Variants in SIGLEC8 observed in about 807,000 individuals in gnomAD.
The protein encoded by SIGLEC8 is sialic acid-binding Ig-like lectin 8.
In SIGLEC8, 32 loss-of-function variants were observed where a neutral mutation model predicts 42.1. That is an observed-to-expected ratio of 0.76 (90% confidence interval 0.57 to 1.02). The LOEUF (loss-of-function observed/expected upper bound fraction) is 1.02. Ranked by LOEUF, SIGLEC8 falls within the 50% of genes least tolerant of loss-of-function variation. The probability of loss-of-function intolerance (pLI) is 0.00; values close to 1 mark genes in which losing one functional copy is unlikely to be tolerated. For missense variants in SIGLEC8, 611 were observed against 610.2 expected, an observed-to-expected ratio of 1.00 and a Z score of -0.01; for synonymous variants, 262 against 260.3, an observed-to-expected ratio of 1.01 and a Z score of -0.06.
At chr19:51,457,310 A>C in intron 2 of SIGLEC8, 79 bp from the exon 3 acceptor site, 1 of 1,517,666 alleles carries the variant, frequency 6.6e-7, no homozygotes, top group Non-Finnish European at 9.0e-7. Flanking sequence ...AGCTGCAAAT[A>C]CAGGGAAAAT....
At position 51,451,350 on chromosome 19, in the gene SIGLEC8, G is replaced by C. The variant is rs1055160289; in HGVS notation, c.*1029C>G. On this transcript the variant is annotated 3_prime_UTR_variant, in exon 7 of 7. Coordinates refer to ENST00000321424, the MANE Select transcript of SIGLEC8 (RefSeq NM_014442.3). ...CAATAAAAAAAAACGTTTTAAATTGGGGGTAAACAAAATAAGTACAGACCC... is the reference window on the plus strand; with the variant it reads ...CAATAAAAAAAAACGTTTTAAATTGCGGGTAAACAAAATAAGTACAGACCC... 2 of 152,108 alleles carry C rather than the reference G, an allele frequency of 1.3e-5. No individual in the cohort carries two copies. Among genetic ancestry groups the C allele is most frequent in the African/African-American group, 4.8e-5 (2 of 41,408 alleles). The allele number at this position is 152,108 out of a possible 1,614,324, so 9.4% of individuals were successfully genotyped here. A position where few individuals can be genotyped will look rare whatever the true frequency, so the allele number is the denominator to read the frequency against.
Position 51,458,028 on chromosome 19 carries a change from C to A in SIGLEC8, c.360G>T (p.Gly120=). The change falls in exon 1 of 7, where the codon GGG becomes GGT. Residue 120 remains glycine, a synonymous_variant. Transcript: ENST00000321424. The stretch of plus-strand genomic sequence containing the variant: ...CTCTCTCTAGCCGAAAGAAATATGA[C>A]CCCTTATCCCTCTTCCTGGCGTCTC... ...SIRDARKRDK[G]SYFFRLERGS... is the part of the protein sequence containing the mutation. 1.9e-6 allele frequency: 3 copies of A among 1,614,154 alleles called. No homozygotes were observed. The highest frequency in any genetic ancestry group is 2.7e-5 in the African/African-American group (2 of 75,042).
At position 51,457,126 on chromosome 19, in the gene SIGLEC8, C is replaced by A. The variant is rs555704175; in HGVS notation, c.781+58G>T. 2.7e-6 allele frequency: 4 copies of A among 1,454,890 alleles called. No homozygotes were observed. The South Asian group carries it at 4.5e-5, about 17-fold the overall frequency. The allele number at this position is 1,454,890 out of a possible 1,614,324, so 90.1% of individuals were successfully genotyped here. A position where few individuals can be genotyped will look rare whatever the true frequency, so the allele number is the denominator to read the frequency against. Reference sequence around the variant, plus strand: ...GATTCCAGGATGAGGAGAGACCCAGCCCCATCCTGAGCTGAAGGCCCTGCT... The same window carrying A: ...GATTCCAGGATGAGGAGAGACCCAGACCCATCCTGAGCTGAAGGCCCTGCT... On this transcript the variant is annotated intron_variant, in intron 3 of 6. Transcript: ENST00000321424.
In SIGLEC8 at chr19:51,458,322, T is replaced by C. The variant is rs138685164; in HGVS notation, c.66A>G (p.Gln22=). 28 of 1,613,958 alleles carry C rather than the reference T, an allele frequency of 1.7e-5. No individual in the cohort carries two copies. The African/African-American group carries it at 3.7e-4, about 22-fold the overall frequency. ...CTTGCAGCAAGTAACCATCCCCATATTGTCTGTCTCCCTCCATCCCCTTTG... is the reference window on the plus strand; with the variant it reads ...CTTGCAGCAAGTAACCATCCCCATACTGTCTGTCTCCCTCCATCCCCTTTG... ...WGTKGMEGDR[Q]YGDGYLLQVQ... is the part of the protein sequence containing the mutation. The change falls in exon 1 of 7, where the codon CAA becomes CAG. Residue 22 remains glutamine (Q), a synonymous_variant. Transcript: ENST00000321424.
Position 51,454,461 on chromosome 19 carries a change from G to A in SIGLEC8, c.1149-146C>T. The A allele has an allele frequency of 1.4e-6, 2 of 1,457,588 alleles. No individual in the cohort carries two copies. The highest frequency in any genetic ancestry group is 1.4e-5 in the African/African-American group (1 of 69,800). 90.3% of individuals were successfully genotyped at this position (1,457,588 alleles called of 1,614,324 possible). A position where few individuals can be genotyped will look rare whatever the true frequency, so the allele number is the denominator to read the frequency against. ...GTCCAGTTCCAGAGACCCCAACGGT[G>A]AAAACAGAGGCTCCTGCCTCATGGA... On this transcript the variant is annotated intron_variant, in intron 5 of 6. Transcript: ENST00000321424. The surrounding 1 kb of genome is among the most constrained non-coding windows in gnomAD (Gnocchi z 4.7).
intron 3 of SIGLEC8, 125 bp from the exon 4 acceptor site, chr19:51,455,812 C>G (rs1989477243): frequency 1.4e-5 from 12 of 869,254 alleles, no homozygotes; most frequent in Non-Finnish European, 2.1e-5. Context: ...ATAGCAAAGA[C>G]TTGGAACCAG....
rs555154639 is a variant in SIGLEC8 at position 51,458,154 on chromosome 19, T to C, written c.234A>G (p.Pro78=). Reference sequence around the variant, plus strand: ...CTCTGTCTGGGTTGTTTGTGGCCACTGGAGCGTCTTGGTATGGTCTGTCTC... The same window carrying C: ...CTCTGTCTGGGTTGTTTGTGGCCACCGGAGCGTCTTGGTATGGTCTGTCTC... ...RAGDRPYQDA[P]VATNNPDREV... The change falls in exon 1 of 7, where the codon CCA becomes CCG. Residue 78 remains proline (P), a synonymous_variant. Coordinates refer to ENST00000321424, the MANE Select transcript of SIGLEC8 (RefSeq NM_014442.3). The C allele has an allele frequency of 3.2e-5, 51 of 1,614,142 alleles. No homozygotes were observed. In the South Asian group the frequency reaches 4.9e-4, roughly 16 times the overall value.
chr19:51,456,141 C>A (rs1296803577), intron 3 of SIGLEC8, among the ~76,000 whole-genome samples: 1 of 151,974 alleles, frequency 6.6e-6, no homozygotes, highest in Non-Finnish European at 1.5e-5. Context: ...CTGGGGGCAG[C>A]ACACCAACAT....
Position 51,455,740 on chromosome 19 carries a change from A to G in SIGLEC8, c.782-53T>C, listed in dbSNP as rs188013018. ...CCATTACTGGGTATATACCCAAAGGATTATAAATCATGCTGCTATAAAGAC... is the reference window on the plus strand; with the variant it reads ...CCATTACTGGGTATATACCCAAAGGGTTATAAATCATGCTGCTATAAAGAC... On this transcript the variant is annotated intron_variant, in intron 3 of 6. Transcript: ENST00000321424. 940 of 1,467,666 alleles carry G rather than the reference A, an allele frequency of 6.4e-4. 10 individuals are homozygous for G. In the African/African-American group the frequency reaches 0.012, roughly 19 times the overall value. The allele number at this position is 1,467,666 out of a possible 1,614,324, so 90.9% of individuals were successfully genotyped here. A position where few individuals can be genotyped will look rare whatever the true frequency, so the allele number is the denominator to read the frequency against.
chr19:51,453,880 A>C (rs1471722291), intron 6 of SIGLEC8: 4 of 985,174 alleles, frequency 4.1e-6, no homozygotes, highest in Non-Finnish European at 4.8e-6. Flanking sequence ...GCCAATAGGA[A>C]AAATAATGAG....
intron 6 of SIGLEC8, among the ~76,000 whole-genome samples, chr19:51,453,109 G>A (rs1245317520): frequency 2.6e-5 from 4 of 150,982 alleles, no homozygotes; most frequent in African/African-American, 9.8e-5. Context: ...TTTTTTTTGA[G>A]ACAGAGTCTG....
Position 51,457,614 on chromosome 19 carries a change from C to G in SIGLEC8, c.580G>C (p.Ala194Pro), listed in dbSNP as rs1193232013. 6.2e-7 allele frequency: 1 copy of G among 1,612,470 alleles called. No individual in the cohort carries two copies. The highest frequency in any genetic ancestry group is 2.2e-5 in the East Asian group (1 of 44,864). The change falls in exon 2 of 7, where the codon GCC becomes CCC. Residue 194 changes from alanine to proline, a missense_variant. Transcript: ENST00000321424. ...GTGGGGCCCGGGGAGGACACGGAGG[C>G]CCCAATCCAGGAGATCATGGGGGGT... ...GTPPMISWIG[A>P]SVSSPGPTTA...
rs749289533 is a variant in SIGLEC8 at position 51,452,632 on chromosome 19, C to G, written c.1247G>C (p.Gly416Ala). The change falls in exon 7 of 7, where the codon GGA becomes GCA. Residue 416 changes from glycine to alanine, a missense_variant and splice_region_variant. Transcript: ENST00000321424. ...AKAIRGSASQ[G>A]PLTESWKDGN... is the part of the protein sequence containing the mutation. Reference sequence around the variant, plus strand: ...ATCTTTCCAGGATTCAGTCAGGGGTCCCTGGACAGAGAGAGAGAAGGGAGT... The same window carrying G: ...ATCTTTCCAGGATTCAGTCAGGGGTGCCTGGACAGAGAGAGAGAAGGGAGT... 18 of 1,518,158 alleles carry G rather than the reference C, an allele frequency of 1.2e-5. No individual in the cohort carries two copies. In the Admixed American group the frequency reaches 3.7e-4, roughly 31 times the overall value. 94.0% of individuals were successfully genotyped at this position (1,518,158 alleles called of 1,614,324 possible).
At position 51,453,893 on chromosome 19, in the gene SIGLEC8, G is replaced by T. The variant is rs1989427657; in HGVS notation, c.1245+326C>A. 6 of 985,256 alleles carry T rather than the reference G, an allele frequency of 6.1e-6. 1 individual carries two copies. The highest frequency in any genetic ancestry group is 1.0e-3 in the Middle Eastern group (2 of 1,914). 61.0% of individuals were successfully genotyped at this position (985,256 alleles called of 1,614,324 possible). A position where few individuals can be genotyped will look rare whatever the true frequency, so the allele number is the denominator to read the frequency against. On this transcript the variant is annotated intron_variant, in intron 6 of 6. Transcript: ENST00000321424. ...CCGCCAATAGGAAAAATAATGAGAG[G>T]GGTCAGGATGGCTGGGGCCAGGGAG... is the stretch of plus-strand genomic sequence containing the variant.
In SIGLEC8 at chr19:51,457,655, G is replaced by T; in HGVS notation, c.539C>A (p.Ala180Asp). 1.2e-6 allele frequency: 2 copies of T among 1,611,172 alleles called. No individual in the cohort carries two copies. Among genetic ancestry groups the T allele is most frequent in the Non-Finnish European group, 1.7e-6 (2 of 1,178,458 alleles). The change falls in exon 2 of 7, where the codon GCC (alanine) becomes GAC (aspartate). Residue 180 changes from alanine to aspartate, a missense_variant. Ala to Asp is a moderately radical substitution (Grantham distance 126). Coordinates refer to ENST00000321424, the MANE Select transcript of SIGLEC8 (RefSeq NM_014442.3). ...SRNLTCSVPW[A>D]CKQGTPPMIS... ...CATGGGGGGTGTCCCCTGCTTACAGGCCCAGGGCACAGAGCAGGTCAGGTT... is the reference window on the plus strand; with the variant it reads ...CATGGGGGGTGTCCCCTGCTTACAGTCCCAGGGCACAGAGCAGGTCAGGTT...
At chr19:51,456,307 G>C (rs748691923) in intron 3 of SIGLEC8, among the ~76,000 whole-genome samples, 1 of 152,114 alleles carries the variant, frequency 6.6e-6, no homozygotes, top group African/African-American at 2.4e-5. Flanking sequence ...ACTAGTGAGA[G>C]GGACTGACAC....
At chr19:51,456,945 C>A (rs1169273917) in intron 3 of SIGLEC8, among the ~76,000 whole-genome samples, 1 of 152,122 alleles carries the variant, frequency 6.6e-6, no homozygotes, top group African/African-American at 2.4e-5. Flanking sequence ...GTGAATGTCA[C>A]CCTGTCCTTG....
Position 51,452,274 on chromosome 19 carries a change from G to A in SIGLEC8, c.*105C>T, listed in dbSNP as rs886154020. 13 of 950,052 alleles carry A rather than the reference G, an allele frequency of 1.4e-5. No homozygotes were observed. Among genetic ancestry groups the A allele is most frequent in the Admixed American group, 5.0e-5 (2 of 40,014 alleles). The allele number at this position is 950,052 out of a possible 1,614,324, so 58.9% of individuals were successfully genotyped here. ...AGGCAGGGATGGGTCCCTGGTAGCCGGGGAAAGGGGAGACATTGGTCCAAG... is the reference window on the plus strand; with the variant it reads ...AGGCAGGGATGGGTCCCTGGTAGCCAGGGAAAGGGGAGACATTGGTCCAAG... On this transcript the variant is annotated 3_prime_UTR_variant, in exon 7 of 7. Transcript: ENST00000321424.
chr19:51,458,433 C>T lies in SIGLEC8; in HGVS notation c.-46G>A. 3.2e-6 allele frequency: 5 copies of T among 1,575,286 alleles called. No homozygotes were observed. Among genetic ancestry groups the T allele is most frequent in the South Asian group, 2.4e-5 (2 of 84,616 alleles). On this transcript the variant is annotated 5_prime_UTR_variant, in exon 1 of 7. Transcript: ENST00000321424. ...GGGCCGCCAGGGAACGTCTGTTCCT[C>T]AGGGTTCTTCTCTCAGAAACTGAGG...
Sources: allele counts gnomAD v4.1 joint callset (sites outside exome capture counted in the v4.1 genomes callset), GRCh38; gene constraint gnomAD v4.1.1; non-coding constraint Gnocchi (gnomAD v3.1); transcripts MANE v1.5; gene names NCBI Gene and HGNC (gene_info 2026-07-23, HGNC 2026-07-21).